CBFA2T3: variants seen among roughly 807,000 people sequenced by gnomAD.
CBFA2T3 encodes transcriptional corepressor CBFA2T3.
A neutral mutation model predicts 58.6 loss-of-function variants in CBFA2T3; 31 were observed. That is an observed-to-expected ratio of 0.53 (90% CI 0.40 to 0.71). The LOEUF (loss-of-function observed/expected upper bound fraction) is 0.71. CBFA2T3 is among the 30% of genes least tolerant of loss of function. The pLI is 0.00. For synonymous variants in CBFA2T3, 531 were observed against 421.9 expected (o/e 1.26, Z -3.17); for missense variants, 1,076 against 963.1 (o/e 1.12, Z -1.55).
intron 1 of CBFA2T3, among the ~76,000 whole-genome samples, chr16:88,902,069 A>T (rs1340386000): frequency 2.6e-5 from 4 of 152,220 alleles, no homozygotes; most frequent in Non-Finnish European, 5.9e-5. Context: ...CTGATTCAGC[A>T]GGTCAGGCTG....
chr16:88,965,656 C>T (rs1972483533), intron 1 of CBFA2T3, among the ~76,000 whole-genome samples: 1 of 152,142 alleles, frequency 6.6e-6, no homozygotes, highest in African/African-American at 2.4e-5. Flanking sequence ...GCAGCTGTCA[C>T]CTTATTTATT....
chr16:88,892,624 G>A, intron 3 of CBFA2T3, 139 bp from the exon 4 acceptor site: 2 of 1,037,232 alleles, frequency 1.9e-6, no homozygotes, highest in South Asian at 1.3e-5. Context: ...AAGGACAGTA[G>A]CGCTGAGGAT....
At chr16:88,883,367 CCT>C (rs903687175) in intron 7 of CBFA2T3, 2 of 156,068 alleles carry the variant, frequency 1.3e-5, no homozygotes, top group African/African-American at 4.8e-5. Context: ...GCACCCGCCT[CCT>C]GTCTCTGCCT....
intron 1 of CBFA2T3, among the ~76,000 whole-genome samples, chr16:88,968,023 A>T (rs140151705): frequency 3.3e-5 from 5 of 152,370 alleles, no homozygotes; most frequent in African/African-American, 1.2e-4. Context: ...TTTTCGCACC[A>T]TGACTAAAGT....
At chr16:88,934,519 G>C (rs537072039) in intron 1 of CBFA2T3, among the ~76,000 whole-genome samples, 1 of 152,236 alleles carries the variant, frequency 6.6e-6, no homozygotes, top group African/African-American at 2.4e-5. Context: ...ATCGGGGGGC[G>C]ACAGGCGAGG....
At chr16:88,942,688 C>T (rs1567625916) in intron 1 of CBFA2T3, among the ~76,000 whole-genome samples, 1 of 152,264 alleles carries the variant, frequency 6.6e-6, no homozygotes, top group South Asian at 2.1e-4. Flanking sequence ...CAGCCAGTTC[C>T]TCCAGCTCCT....
At position 88,975,660 on chromosome 16, in the gene CBFA2T3, C is replaced by T. The variant is rs766914803; in HGVS notation, c.151+997G>A. On this transcript the variant is annotated intron_variant, in intron 1 of 11. Coordinates refer to ENST00000268679, the MANE Select transcript of CBFA2T3 (RefSeq NM_005187.6). ...CAGTAGCACTGGCTGTGGTGAGGTC[C>T]GGCCTTTGCATTCCGGGCACCCGGG... Among the ~76,000 whole-genome samples the T allele has an allele frequency of 7.2e-5, 11 of 152,278 alleles. 1 individual carries two copies. The highest frequency in any genetic ancestry group is 1.7e-4 in the African/African-American group (7 of 41,470).
At position 88,894,513 on chromosome 16, in the gene CBFA2T3, A is replaced by G. The variant is rs2550771; in HGVS notation, c.380-2028T>C. Among the ~76,000 whole-genome samples the G allele has an allele frequency of 1.7e-3, 209 of 119,838 alleles. 6 individuals carry two copies. The highest frequency in any genetic ancestry group is 2.3e-3 in the Non-Finnish European group (135 of 59,412). The allele number at this position is 119,838 out of a possible 152,430, so 78.6% of individuals were successfully genotyped here. The stretch of plus-strand genomic sequence containing the variant: ...TACACACATGCACACACACATGCAC[A>G]CACACATGCATACATATACACATGC... On this transcript the variant is annotated intron_variant, in intron 3 of 11. Transcript: ENST00000268679.
chr16:88,892,728 A>G (rs1969694566), intron 3 of CBFA2T3, among the ~76,000 whole-genome samples: 2 of 152,154 alleles, frequency 1.3e-5, no homozygotes, highest in South Asian at 4.1e-4. Flanking sequence ...GAGGTCACAC[A>G]CACCCCCTTA....
chr16:88,909,705 C>A (rs1970466599), intron 1 of CBFA2T3, among the ~76,000 whole-genome samples: 2 of 152,222 alleles, frequency 1.3e-5, no homozygotes, highest in African/African-American at 2.4e-5. Context: ...AGTCATCCGT[C>A]CACGGCCGCC....
chr16:88,912,665 C>T (rs1365470282), intron 1 of CBFA2T3, among the ~76,000 whole-genome samples: 2 of 152,230 alleles, frequency 1.3e-5, no homozygotes, highest in African/African-American at 2.4e-5. Flanking sequence ...GGGCCCTGAA[C>T]AGCACCTGGC....
chr16:88,907,817 C>A (rs1047337477), intron 1 of CBFA2T3, among the ~76,000 whole-genome samples: 4 of 152,258 alleles, frequency 2.6e-5, no homozygotes, highest in African/African-American at 9.6e-5. Flanking sequence ...TTTGCCTGTC[C>A]TTCCCACCCT....
In CBFA2T3 at chr16:88,901,573, T is replaced by TGGG. The variant is rs780621617; in HGVS notation, c.232_234dup (p.Pro78dup). 5 of 1,494,366 alleles carry TGGG rather than the reference T, an allele frequency of 3.3e-6. No individual in the cohort carries two copies. The East Asian group carries it at 1.1e-4, about 32-fold the overall frequency. 92.6% of individuals were successfully genotyped at this position (1,494,366 alleles called of 1,614,324 possible). The stretch of plus-strand genomic sequence containing the variant: ...GCGGCAGGCGGTGGGGGCGGCATGC[T>TGGG]GGGGGGTGTGGACCGGGGCTGCGTC... On this transcript the variant is annotated inframe_insertion, in exon 2 of 12. Coordinates refer to ENST00000268679, the MANE Select transcript of CBFA2T3 (RefSeq NM_005187.6).
At position 88,976,904 on chromosome 16, in the gene CBFA2T3, G is replaced by A; in HGVS notation, c.-97C>T. On this transcript the variant is annotated 5_prime_UTR_variant, in exon 1 of 12. Transcript: ENST00000268679. ...CCTGCAGCCTTGAGGGAAAGAGGAG[G>A]GGCTGGGCCAGCTGGGGCGTCCTGG... is the stretch of plus-strand genomic sequence containing the variant. The A allele has an allele frequency of 7.0e-7, 1 of 1,428,252 alleles. No individual in the cohort carries two copies. Among genetic ancestry groups the A allele is most frequent in the Non-Finnish European group, 9.4e-7 (1 of 1,068,954 alleles). 88.5% of individuals were successfully genotyped at this position (1,428,252 alleles called of 1,614,324 possible).
At chr16:88,973,777 G>T (rs910073478) in intron 1 of CBFA2T3, among the ~76,000 whole-genome samples, 10 of 152,190 alleles carry the variant, frequency 6.6e-5, no homozygotes, top group South Asian at 2.1e-4. Context: ...CAGGCTGACC[G>T]CAGGCTCTGG....
intron 1 of CBFA2T3, among the ~76,000 whole-genome samples, chr16:88,949,024 A>G (rs1408117221): frequency 6.6e-6 from 1 of 152,240 alleles, no homozygotes; most frequent in Non-Finnish European, 1.5e-5. Flanking sequence ...ATGTGGGGAA[A>G]ATGAATTATA....
At chr16:88,930,697 GGA>G (rs1331849081) in intron 1 of CBFA2T3, among the ~76,000 whole-genome samples, 1 of 119,348 alleles carries the variant, frequency 8.4e-6, no homozygotes, top group African/African-American at 3.0e-5. Flanking sequence ...GAGGAGATGG[GGA>G]GGGGGCAGAC....
At chr16:88,887,795 C>T (rs1032622364) in intron 5 of CBFA2T3, among the ~76,000 whole-genome samples, 1 of 152,180 alleles carries the variant, frequency 6.6e-6, no homozygotes, top group Non-Finnish European at 1.5e-5. Context: ...AACTCCACCA[C>T]TGAACGGAAG....
intron 1 of CBFA2T3, chr16:88,939,679 C>G (rs1341950320): frequency 6.6e-6 from 1 of 152,402 alleles, no homozygotes; most frequent in African/African-American, 2.4e-5. Context: ...CAGACTGGAG[C>G]GGGGGCAAAG....
Sources: allele counts gnomAD v4.1 joint callset (sites outside exome capture counted in the v4.1 genomes callset), GRCh38; gene constraint gnomAD v4.1.1; transcripts MANE v1.5; gene names NCBI Gene and HGNC (gene_info 2026-07-23, HGNC 2026-07-21).